The following TLN1 variants were observed in gnomAD, a reference collection of about 807,000 sequenced individuals.
The protein encoded by TLN1 is talin 1.
A neutral mutation model predicts 292.3 loss-of-function variants in TLN1; 56 were observed. That is an observed-to-expected ratio of 0.19 (90% CI 0.15 to 0.24). The LOEUF (loss-of-function observed/expected upper bound fraction) is 0.24, where lower values mean the gene tolerates loss of function less well. Among genes scored for constraint, TLN1 ranks in the 10% least tolerant of loss-of-function variants. The probability of loss-of-function intolerance (pLI) is 1.00; values close to 1 mark genes in which losing one functional copy is unlikely to be tolerated. For missense variants in TLN1, 2,433 were observed against 3,248.2 expected (o/e 0.75, Z 6.10); for synonymous variants, 1,119 against 1,253.7 (o/e 0.89, Z 2.27).
Position 35,699,913 on chromosome 9 carries a change from C to T in TLN1, c.6768+61G>A. ...AACAGACAGCAGGGTGCGAGGCCTG[C>T]AGGAAGAGGGCTGTGTATTCAGGGA... is the stretch of plus-strand genomic sequence containing the variant. On this transcript the variant is annotated intron_variant, in intron 50 of 56. Coordinates refer to ENST00000314888, the MANE Select transcript of TLN1 (RefSeq NM_006289.4). The surrounding 1 kb of genome is among the most constrained non-coding windows in gnomAD (Gnocchi z 4.0). The T allele has an allele frequency of 5.3e-6, 8 of 1,514,846 alleles. No homozygotes were observed. In the South Asian group the frequency reaches 6.0e-5, roughly 11 times the overall value. The allele number at this position is 1,514,846 out of a possible 1,614,324, so 93.8% of individuals were successfully genotyped here.
At chr9:35,712,639 A>G (rs1452321329) in intron 27 of TLN1, among the ~76,000 whole-genome samples, 196 bp downstream of exon 27, 2 of 142,100 alleles carry the variant, frequency 1.4e-5, no homozygotes, top group African/African-American at 5.2e-5. Context: ...TAAGAGCAAA[A>G]CTCTGTCTCA....
chr9:35,700,571 G>C (rs1825448620), intron 48 of TLN1, among the ~76,000 whole-genome samples, 195 bp from the exon 49 acceptor site: 1 of 152,184 alleles, frequency 6.6e-6, no homozygotes, highest in South Asian at 2.1e-4. Context: ...AATTACAAAA[G>C]TGGCTTTTGG....
In TLN1 at chr9:35,700,044, C is replaced by A. The variant is rs544154004; in HGVS notation, c.6698G>T (p.Arg2233Leu). 6.2e-7 allele frequency: 1 copy of A among 1,613,420 alleles called. No homozygotes were observed. The change falls in exon 50 of 57, where the codon CGG becomes CTG. Residue 2233 changes from arginine to leucine, a missense_variant. Physicochemically the swap from Arg to Leu is moderately radical, Grantham distance 102. Coordinates refer to ENST00000314888, the MANE Select transcript of TLN1 (RefSeq NM_006289.4). Reference sequence around the variant, plus strand: ...CCGGCCATAGTGCAGGGCTCGAAGCCGCACATCAGGGGCCACTTCTGGGTG... The same window carrying A: ...CCGGCCATAGTGCAGGGCTCGAAGCAGCACATCAGGGGCCACTTCTGGGTG... ...AYHPEVAPDV[R>L]LRALHYGREC...
chr9:35,700,202 G>A lies in TLN1; in HGVS notation c.6649C>T (p.Arg2217Trp), dbSNP rs143073968. Residue 2217 changes from arginine (R) to tryptophan (W), a missense_variant, in exon 49 of 57, where the codon CGG (arginine) becomes TGG (tryptophan). By Grantham distance (101) the Arg-to-Trp change is moderately radical (BLOSUM62 -3). This residue lies in a region of TLN1 where 1,384 missense variants were observed against 1,699.6 expected (regional missense o/e 0.81). Transcript: ENST00000314888. The stretch of plus-strand genomic sequence containing the variant: ...TCAAGGATTTCTACCTTGCAAGCCC[G>A]AAGCATATCTGCAATAGCACGGCGG... ...LSRRAIADML[R>W]ACKEAAYHPE... is the part of the protein sequence containing the mutation. 51 of 1,601,706 alleles carry A rather than the reference G, an allele frequency of 3.2e-5. No individual in the cohort carries two copies. Among genetic ancestry groups the A allele is most frequent in the Admixed American group, 2.2e-4 (13 of 59,796 alleles).
chr9:35,701,049 T>C (rs567920322), intron 48 of TLN1, among the ~76,000 whole-genome samples: 2 of 152,200 alleles, frequency 1.3e-5, no homozygotes, highest in African/African-American at 4.8e-5. Context: ...AAATAGGTGG[T>C]CAGGGAAGGG....
At position 35,713,002 on chromosome 9, in the gene TLN1, C is replaced by G; in HGVS notation, c.3394G>C (p.Ala1132Pro). ...GCAGCGACTCCCCTAGCGGCCTGGG[C>G]CAGTGACCGCAGCCCACCTGCCACA... The part of the protein sequence containing the change: ...RDVAGGLRSL[A>P]QAARGVAALT... Residue 1132 changes from alanine to proline, a missense_variant, in exon 27 of 57, where the codon GCC (alanine) becomes CCC (proline). By Grantham distance (27) the Ala-to-Pro change is conservative. This residue lies in a region of TLN1 where 1,384 missense variants were observed against 1,699.6 expected (regional missense o/e 0.81). Transcript: ENST00000314888. 1 of 1,608,756 alleles carries G rather than the reference C, an allele frequency of 6.2e-7. No individual in the cohort carries two copies. The highest frequency in any genetic ancestry group is 8.5e-7 in the Non-Finnish European group (1 of 1,178,442).
At chr9:35,711,192 G>A in intron 30 of TLN1, 63 bp downstream of exon 30, 1 of 1,610,942 alleles carries the variant, frequency 6.2e-7, no homozygotes, top group Non-Finnish European at 8.5e-7. Context: ...AAGCTCTCAT[G>A]AACTGCCTGC....
At chr9:35,709,812 G>A (rs186896949) in intron 33 of TLN1, among the ~76,000 whole-genome samples, 4,398 of 147,674 alleles carry the variant, frequency 0.03, 87 homozygotes, top group Admixed American at 0.054. Flanking sequence ...GCGTGAACCC[G>A]GGAGGCGGAG....
Position 35,707,897 on chromosome 9 carries a change from G to A in TLN1, c.4471-5C>T. On this transcript the variant is annotated splice_polypyrimidine_tract_variant and splice_region_variant and intron_variant, in intron 34 of 56. Coordinates refer to ENST00000314888, the MANE Select transcript of TLN1 (RefSeq NM_006289.4). This position sits in a 1 kb window ranked among gnomAD's most constrained non-coding sequence, Gnocchi z 5.6. ...AATGGTGGCTGCAGAGAGCACCTGA[G>A]GAGACACATGGAAGAGCCACGATGA... 1 of 1,613,140 alleles carries A rather than the reference G, an allele frequency of 6.2e-7. No individual in the cohort carries two copies. The highest frequency in any genetic ancestry group is 8.5e-7 in the Non-Finnish European group (1 of 1,179,300).
intron 8 of TLN1, 69 bp downstream of exon 8, chr9:35,722,792 A>G: frequency 6.5e-7 from 1 of 1,534,750 alleles, no homozygotes; most frequent in South Asian, 1.1e-5. Flanking sequence ...GCAGGGGGCC[A>G]TTTAGTCAGT....
Position 35,717,813 on chromosome 9 carries a change from C to T in TLN1, c.1996-27G>A. On this transcript the variant is annotated intron_variant, in intron 17 of 56. Transcript: ENST00000314888. The surrounding 1 kb of genome is among the most constrained non-coding windows in gnomAD (Gnocchi z 4.7). ...TGTGAGAAAACAGCAGTTAGCATGA[C>T]CTGAGATTGGGCTTGGGATTCACAG... is the stretch of plus-strand genomic sequence containing the variant. 1 of 1,583,364 alleles carries T rather than the reference C, an allele frequency of 6.3e-7. No homozygotes were observed. The highest frequency in any genetic ancestry group is 8.6e-7 in the Non-Finnish European group (1 of 1,158,246).
intron 8 of TLN1, 69 bp downstream of exon 8, chr9:35,722,791 CA>C (rs1004888439): frequency 6.2e-5 from 94 of 1,516,344 alleles, no homozygotes; most frequent in Non-Finnish European, 8.5e-5. Flanking sequence ...GGCAGGGGGC[CA>C]TTTAGTCAGT....
rs1380940207 is a variant in TLN1, at chr9:35,703,975, G to A, written c.6231+16C>T. Reference sequence around the variant, plus strand: ...GGAAGTGATTCCAGCCGGAATTAGGGGCATCAGGTCACTACCTGGGTCTCA... The same window carrying A: ...GGAAGTGATTCCAGCCGGAATTAGGAGCATCAGGTCACTACCTGGGTCTCA... On this transcript the variant is annotated intron_variant, in intron 46 of 56. Transcript: ENST00000314888. 1 of 1,612,618 alleles carries A rather than the reference G, an allele frequency of 6.2e-7. No homozygotes were observed. Among genetic ancestry groups the A allele is most frequent in the Middle Eastern group, 1.6e-4 (1 of 6,062 alleles).
chr9:35,703,747 T>C, intron 47 of TLN1, 28 bp downstream of exon 47: 1 of 1,614,208 alleles, frequency 6.2e-7, no homozygotes, highest in East Asian at 2.2e-5. Context: ...CCAGTGCCCC[T>C]CCTGATGTTG....
Position 35,707,199 on chromosome 9 carries a change from C to T in TLN1, c.4828G>A (p.Ala1610Thr), listed in dbSNP as rs1251968309. 9 of 1,608,104 alleles carry T rather than the reference C, an allele frequency of 5.6e-6. No homozygotes were observed. The highest frequency in any genetic ancestry group is 7.6e-6 in the Non-Finnish European group (9 of 1,177,980). Reference protein sequence around the residue: ...VISAKTMLESAGGLIQTARAL... With the variant: ...VISAKTMLESTGGLIQTARAL... The stretch of plus-strand genomic sequence containing the variant: ...CGGGCTGTCTGGATGAGTCCCCCGG[C>T]ACTCTCTAACATTGTCTTGGCAGAG... The change falls in exon 37 of 57, where the codon GCC becomes ACC. Residue 1610 changes from alanine (A) to threonine (T), a missense_variant. Physicochemically the swap from Ala to Thr is moderately conservative, Grantham distance 58. Transcript: ENST00000314888. The surrounding 1 kb of genome is among the most constrained non-coding windows in gnomAD (Gnocchi z 5.6).
rs543000115 is a variant in TLN1 at position 35,725,727 on chromosome 9, C to T, written c.-33G>A. The T allele has an allele frequency of 2.5e-6, 4 of 1,610,478 alleles. No homozygotes were observed. The highest frequency in any genetic ancestry group is 4.5e-5 in the East Asian group (2 of 44,750). On this transcript the variant is annotated splice_region_variant and 5_prime_UTR_variant, in exon 2 of 57. Transcript: ENST00000314888. ...GCTTCTTTTCTCCAGCCTGGCTATA[C>T]CTGACCCATGGCATCAGGGCATTAG...
intron 33 of TLN1, 85 bp from the exon 34 acceptor site, chr9:35,708,569 AG>A (rs1825605852): frequency 7.4e-7 from 1 of 1,348,888 alleles, no homozygotes; most frequent in Admixed American, 2.8e-5. Flanking sequence ...AAGAGAGCAG[AG>A]GTAAGTTTAG....
rs1179143398 is a variant in TLN1 at position 35,715,087 on chromosome 9, A to T, written c.2726T>A (p.Ile909Asn). 1 of 1,613,084 alleles carries T rather than the reference A, an allele frequency of 6.2e-7. No homozygotes were observed. The highest frequency in any genetic ancestry group is 8.5e-7 in the Non-Finnish European group (1 of 1,180,042). The change falls in exon 21 of 57, where the codon ATC (isoleucine) becomes AAC (asparagine). Residue 909 changes from isoleucine to asparagine, a missense_variant. This residue lies in a region of TLN1 where 617 missense variants were observed against 770.6 expected (regional missense o/e 0.80). Transcript: ENST00000314888. ...MATNAAAQNA[I>N]KKKLVQRLEH... ...CAGGCGCTGCACCAGCTTTTTCTTG[A>T]TGGCATTCTGCGCAGCTGCATTGGT...
chr9:35,710,476 G>A (rs1489704307), intron 33 of TLN1, 85 bp downstream of exon 33: 1 of 1,523,234 alleles, frequency 6.6e-7, no homozygotes, highest in African/African-American at 1.4e-5. Context: ...TAAACTTCTT[G>A]ATTTATCTAC....
Sources: allele counts gnomAD v4.1 joint callset (sites outside exome capture counted in the v4.1 genomes callset), GRCh38; gene constraint gnomAD v4.1.1; regional missense constraint gnomAD v4.1.1; non-coding constraint Gnocchi (gnomAD v3.1); transcripts MANE v1.5; gene names NCBI Gene and HGNC (gene_info 2026-07-23, HGNC 2026-07-21).